The following POLE variants were observed in gnomAD, a reference collection of about 807,000 sequenced individuals.
POLE encodes DNA polymerase epsilon, catalytic subunit.
Under a neutral mutation model 279.2 loss-of-function variants are expected in POLE, and 188 were observed. That is an observed-to-expected ratio of 0.67 (90% CI 0.60 to 0.76). The LOEUF (loss-of-function observed/expected upper bound fraction) is 0.76. Among genes scored for constraint, POLE ranks in the 30% least tolerant of loss-of-function variants. The pLI, the probability that POLE is intolerant of heterozygous loss-of-function variation, is 0.00. For synonymous variants in POLE, 1,214 were observed against 1,172.5 expected, an observed-to-expected ratio of 1.04 and a Z score of -0.72; for missense variants, 2,703 against 3,016.7, an observed-to-expected ratio of 0.90 and a Z score of 2.44.
chr12:132,658,226 G>A, intron 26 of POLE: 1 of 429,072 alleles, frequency 2.3e-6, no homozygotes, highest in Middle Eastern at 6.9e-4. Flanking sequence ...CCATGGGCAT[G>A]CATATACATA....
At chr12:132,650,817 G>A (rs1321947807) in intron 29 of POLE, 1 of 149,850 alleles carries the variant, frequency 6.7e-6, no homozygotes, top group Non-Finnish European at 1.5e-5. Flanking sequence ...TGCCACAGCT[G>A]TAAGTTTTAA....
chr12:132,665,260 C>G (rs918773130), intron 21 of POLE, 42 bp downstream of exon 21: 1 of 1,596,964 alleles, frequency 6.3e-7, no homozygotes, highest in African/African-American at 1.3e-5. Context: ...GTGGACTCAT[C>G]CATTCCTCCC....
At chr12:132,672,487 T>A (rs1593070161) in intron 15 of POLE, 140 bp downstream of exon 15, 1 of 1,067,876 alleles carries the variant, frequency 9.4e-7, no homozygotes, top group South Asian at 1.4e-5. Context: ...CCCCGGGGGG[T>A]GCTGGGCCAG....
intron 1 of POLE, among the ~76,000 whole-genome samples, chr12:132,681,876 G>C (rs1450954924): frequency 6.6e-6 from 1 of 152,188 alleles, no homozygotes; most frequent in Non-Finnish European, 1.5e-5. Flanking sequence ...ACACTGACAT[G>C]ATTTGAATAA....
intron 12 of POLE, 42 bp from the exon 13 acceptor site, chr12:132,673,749 T>G: frequency 6.2e-7 from 1 of 1,608,450 alleles, no homozygotes; most frequent in Non-Finnish European, 8.5e-7. Context: ...GATTCTAACA[T>G]GCAGCCCGGG....
intron 33 of POLE, 54 bp downstream of exon 33, chr12:132,643,783 A>C (rs2042210952): frequency 1.5e-5 from 24 of 1,588,870 alleles, no homozygotes; most frequent in Admixed American, 3.4e-5. Flanking sequence ...TCTTTCCTCC[A>C]TACCACCCTG....
At chr12:132,646,308 C>T (rs554896052) in intron 32 of POLE, among the ~76,000 whole-genome samples, 10 of 152,158 alleles carry the variant, frequency 6.6e-5, no homozygotes, top group Non-Finnish European at 1.5e-4. Context: ...GTGATGGAAA[C>T]GTTCTGCACC....
intron 29 of POLE, chr12:132,650,780 A>T (rs186265510): frequency 6.6e-6 from 1 of 151,684 alleles, no homozygotes. Flanking sequence ...CACACCTTTA[A>T]ATTTTTACCA....
intron 25 of POLE, 153 bp from the exon 26 acceptor site, chr12:132,659,662 C>T: frequency 3.2e-6 from 2 of 619,296 alleles, no homozygotes; most frequent in Non-Finnish European, 5.7e-6. Context: ...TGTGGCAATA[C>T]TTTAAAACAT....
chr12:132,672,504 C>A (rs911711369), intron 15 of POLE, 123 bp downstream of exon 15: 25 of 1,173,046 alleles, frequency 2.1e-5, no homozygotes, highest in Non-Finnish European at 3.0e-5. Context: ...CCAGAGAAGC[C>A]ACACCCGGTG....
At position 132,649,762 on chromosome 12, in the gene POLE, T is replaced by A; in HGVS notation, c.3710A>T (p.Glu1237Val). ...VTVKRKRVLW[E>V]SQEESQDLTP... ...GAGGTCCTGGGACTCCTCCTGGCTCTCCCAAAGAACTCGCTTCCTCTTCAC... is the reference window on the plus strand; with the variant it reads ...GAGGTCCTGGGACTCCTCCTGGCTCACCCAAAGAACTCGCTTCCTCTTCAC... The change falls in exon 30 of 49, where the codon GAG becomes GTG. Residue 1237 changes from glutamate to valine, a missense_variant. By Grantham distance (121) the Glu-to-Val change is moderately radical. Around this residue, in one of 5 missense-constraint regions of POLE, gnomAD observed 1,551 missense variants for 1,686.1 expected, o/e 0.92. Transcript: ENST00000320574. 6.2e-7 allele frequency: 1 copy of A among 1,614,188 alleles called. No homozygotes were observed. The highest frequency in any genetic ancestry group is 8.5e-7 in the Non-Finnish European group (1 of 1,180,036).
rs1555221202 is a variant in POLE at position 132,634,264 on chromosome 12, G to T, written c.5926C>A (p.Leu1976Met). The T allele has an allele frequency of 6.2e-7, 1 of 1,614,174 alleles. No individual in the cohort carries two copies. Among genetic ancestry groups the T allele is most frequent in the Admixed American group, 1.7e-5 (1 of 60,026 alleles). ...TGCAAAATGTTCCAGTTGTTTTCCA[G>T]TAAATCCTCCACGTTGGATTCCTCC... Reference protein sequence around the residue: ...EAEESNVEDLLENNWNILQFL... With the variant: ...EAEESNVEDLMENNWNILQFL... Residue 1976 changes from leucine (L) to methionine (M), a missense_variant, in exon 43 of 49, where the codon CTG (leucine) becomes ATG (methionine). Coordinates refer to ENST00000320574, the MANE Select transcript of POLE (RefSeq NM_006231.4). The surrounding 1 kb of genome is among the most constrained non-coding windows in gnomAD (Gnocchi z 4.0).
In POLE at chr12:132,665,391, G is replaced by A. The variant is rs200259552; in HGVS notation, c.2379C>T (p.Arg793=). 1.2e-6 allele frequency: 2 copies of A among 1,613,846 alleles called. No individual in the cohort carries two copies. The highest frequency in any genetic ancestry group is 3.3e-5 in the Admixed American group (2 of 60,012). ...VEVGDAAEVK[R]CKNMEVLYDS... ...CATACAGCACCTCCATGTTCTTGCA[G>A]CGCTTCACCTCAGCCGCGTCGCCCA... Residue 793 remains arginine (R), a synonymous_variant, in exon 21 of 49, where the codon CGC becomes CGT. Coordinates refer to ENST00000320574, the MANE Select transcript of POLE (RefSeq NM_006231.4).
At chr12:132,682,280 C>A (rs1363899204) in intron 1 of POLE, among the ~76,000 whole-genome samples, 1 of 137,468 alleles carries the variant, frequency 7.3e-6, no homozygotes, top group Non-Finnish European at 1.5e-5. Context: ...GGCAGCAGAG[C>A]GAGACTCCGG....
intron 32 of POLE, 73 bp downstream of exon 32, chr12:132,648,856 G>T: frequency 1.4e-6 from 2 of 1,480,024 alleles, no homozygotes; most frequent in Non-Finnish European, 1.8e-6. Context: ...GAGGCTGGAG[G>T]CCAGGCTAGA....
chr12:132,663,474 C>G (rs866240647), intron 23 of POLE, among the ~76,000 whole-genome samples: 32 of 152,246 alleles, frequency 2.1e-4, no homozygotes, highest in South Asian at 4.1e-4. Flanking sequence ...GATCAAGGGA[C>G]AGCCAACCAT....
In POLE at chr12:132,649,070, G is replaced by C. The variant is rs780795309; in HGVS notation, c.4008C>G (p.Ile1336Met). 1.2e-6 allele frequency: 2 copies of C among 1,610,996 alleles called. No individual in the cohort carries two copies. The highest frequency in any genetic ancestry group is 4.5e-5 in the East Asian group (2 of 44,868). ...ACAGGCCGGCCTGGCTGGTCTCGCTGATCTGAAAGGCCACACGGACATACA... is the reference window on the plus strand; with the variant it reads ...ACAGGCCGGCCTGGCTGGTCTCGCTCATCTGAAAGGCCACACGGACATACA... Reference protein sequence around the residue: ...ILDLPWQIVQISETSQAGLFR... With the variant: ...ILDLPWQIVQMSETSQAGLFR... Residue 1336 changes from isoleucine to methionine, a missense_variant and splice_region_variant, in exon 32 of 49, where the codon ATC becomes ATG. Ile to Met is a conservative substitution (Grantham distance 10). Transcript: ENST00000320574.
In POLE at chr12:132,664,951, C is replaced by T. The variant is rs1019184552; in HGVS notation, c.2468+351G>A. 6.6e-6 allele frequency among the ~76,000 whole-genome samples: 1 copy of T among 151,658 alleles called. No individual in the cohort carries two copies. Among genetic ancestry groups the T allele is most frequent in the Non-Finnish European group, 1.5e-5 (1 of 67,932 alleles). ...GTTGCTTCTCTGCCCCTCCCGGACACGCAGACATGCTGTGAAGCAACTGCC... is the reference window on the plus strand; with the variant it reads ...GTTGCTTCTCTGCCCCTCCCGGACATGCAGACATGCTGTGAAGCAACTGCC... On this transcript the variant is annotated intron_variant, in intron 21 of 48. Transcript: ENST00000320574. This position sits in a 1 kb window ranked among gnomAD's most constrained non-coding sequence, Gnocchi z 5.3.
rs542616570 is a variant in POLE, at chr12:132,659,212, C to T, written c.3275+83G>A. On this transcript the variant is annotated intron_variant, in intron 26 of 48. Transcript: ENST00000320574. The stretch of plus-strand genomic sequence containing the variant: ...TCACCTCTCTGTGATGAGGGGAGCC[C>T]TCACCTCTCCGTGACGGAGGGAGCC... 1.7e-5 allele frequency: 24 copies of T among 1,413,334 alleles called. No individual in the cohort carries two copies. The East Asian group carries it at 5.2e-4, about 30-fold the overall frequency. The allele number at this position is 1,413,334 out of a possible 1,614,324, so 87.5% of individuals were successfully genotyped here.
Sources: allele counts gnomAD v4.1 joint callset (sites outside exome capture counted in the v4.1 genomes callset), GRCh38; gene constraint gnomAD v4.1.1; regional missense constraint gnomAD v4.1.1; non-coding constraint Gnocchi (gnomAD v3.1); transcripts MANE v1.5; gene names NCBI Gene and HGNC (gene_info 2026-07-23, HGNC 2026-07-21).